TCEANC2: variants seen among roughly 807,000 people sequenced by gnomAD.
TCEANC2 encodes the protein transcription elongation factor A N-terminal and central domain containing 2, also known as transcription elongation factor A N-terminal and central domain-containing protein 2.
Under a neutral mutation model 22.8 loss-of-function variants are expected in TCEANC2, and 20 were observed. The observed-to-expected ratio is 0.88, with a 90% CI of 0.62 to 1.28. TCEANC2 has a LOEUF of 1.28. TCEANC2 is among the 50% of genes most tolerant of loss of function. The pLI, the probability that TCEANC2 is intolerant of heterozygous loss-of-function variation, is 0.00. For synonymous variants in TCEANC2, 84 were observed against 95.5 expected (o/e 0.88, Z 0.70); for missense variants, 251 against 249.7 (o/e 1.01, Z -0.03).
At position 54,104,738 on chromosome 1, in the gene TCEANC2, C is replaced by T. The variant is rs1238025503; in HGVS notation, c.*8265C>T. The T allele has an allele frequency of 6.7e-6, 3 of 444,488 alleles. No individual in the cohort carries two copies. Among genetic ancestry groups the T allele is most frequent in the Non-Finnish European group, 1.4e-5 (3 of 218,920 alleles). 27.5% of individuals were successfully genotyped at this position (444,488 alleles called of 1,614,324 possible). On this transcript the variant is annotated 3_prime_UTR_variant, in exon 5 of 5. Coordinates refer to ENST00000234827, the MANE Select transcript of TCEANC2 (RefSeq NM_153035.3). ...TGTATTTTTAGTAGAGATGGAGTTT[C>T]GCCATGTTGGCCAGACTAGTTTTGA... is the stretch of plus-strand genomic sequence containing the variant.
At chr1:54,072,333 C>T (rs749097729) in intron 3 of TCEANC2, among the ~76,000 whole-genome samples, 2 of 151,928 alleles carry the variant, frequency 1.3e-5, no homozygotes, top group South Asian at 2.1e-4. Context: ...GCTATTTAGC[C>T]CATTTGTTCT....
intron 4 of TCEANC2, among the ~76,000 whole-genome samples, chr1:54,090,428 A>G (rs1055067551): frequency 6.6e-6 from 1 of 152,200 alleles, no homozygotes; most frequent in East Asian, 1.9e-4. Flanking sequence ...TTATATGCCA[A>G]ATGTTCCATA....
chr1:54,055,299 T>C (rs1377229303), intron 2 of TCEANC2, among the ~76,000 whole-genome samples: 5 of 152,212 alleles, frequency 3.3e-5, no homozygotes, highest in East Asian at 1.9e-4. Context: ...TCTTGCTACA[T>C]TGAAGTCAGT....
intron 2 of TCEANC2, among the ~76,000 whole-genome samples, chr1:54,057,456 G>C (rs1209517629): frequency 6.8e-6 from 1 of 147,638 alleles, no homozygotes; most frequent in African/African-American, 2.5e-5. Context: ...CTCCTGAAGT[G>C]CTGGGATTAC....
chr1:54,075,682 C>T lies in TCEANC2; in HGVS notation c.244+6785C>T, dbSNP rs193096172. 7.9e-5 allele frequency among the ~76,000 whole-genome samples: 12 copies of T among 152,198 alleles called. No homozygotes were observed. In the East Asian group the frequency reaches 2.3e-3, roughly 29 times the overall value. On this transcript the variant is annotated intron_variant, in intron 3 of 4. Transcript: ENST00000234827. ...CTCTCCTTTAGAGGTTTTCAGTATA[C>T]TTTGTCATTTAATAGGCTAGATGAA...
downstream of TCEANC2, among the ~76,000 whole-genome samples, chr1:54,107,980 G>T (rs1283635179): frequency 6.6e-6 from 1 of 152,190 alleles, no homozygotes; most frequent in Admixed American, 6.5e-5. Flanking sequence ...ATATTTTGTT[G>T]CCTATTAATA....
chr1:54,057,228 G>GTTT (rs779950368), intron 2 of TCEANC2, among the ~76,000 whole-genome samples: 61 of 99,956 alleles, frequency 6.1e-4, no homozygotes, highest in African/African-American at 2.2e-3. Context: ...TTTTTTCTTT[G>GTTT]TTTTTTTTTT....
At chr1:54,055,675 G>C (rs1015483489) in intron 2 of TCEANC2, among the ~76,000 whole-genome samples, 1 of 152,220 alleles carries the variant, frequency 6.6e-6, no homozygotes, top group Admixed American at 6.5e-5. Context: ...GCAAAGGATT[G>C]TAAGAGCAAG....
chr1:54,103,114 G>C lies in TCEANC2; in HGVS notation c.*6641G>C, dbSNP rs1176538300. 1 of 152,274 alleles carries C rather than the reference G, an allele frequency of 6.6e-6. No homozygotes were observed. The highest frequency in any genetic ancestry group is 2.4e-5 in the African/African-American group (1 of 41,422). 9.4% of individuals were successfully genotyped at this position (152,274 alleles called of 1,614,324 possible). On this transcript the variant is annotated 3_prime_UTR_variant, in exon 5 of 5. Coordinates refer to ENST00000234827, the MANE Select transcript of TCEANC2 (RefSeq NM_153035.3). ...ATTCCATGTAAACACCCACCAGAGAGCACATACCATGGAGAAGCACTAAAC... is the reference window on the plus strand; with the variant it reads ...ATTCCATGTAAACACCCACCAGAGACCACATACCATGGAGAAGCACTAAAC...
chr1:54,054,251 T>C (rs746209586), intron 1 of TCEANC2, 130 bp from the exon 2 acceptor site: 52 of 1,443,248 alleles, frequency 3.6e-5, no homozygotes, highest in Non-Finnish European at 4.6e-5. Context: ...AAAATCTTAC[T>C]TCCTGTCAAT....
chr1:54,056,312 C>CTTTT lies in TCEANC2; in HGVS notation c.102+1789_102+1792dup, dbSNP rs113892636. 9.7e-4 allele frequency among the ~76,000 whole-genome samples: 145 copies of CTTTT among 149,716 alleles called. 2 individuals are homozygous for CTTTT. Among genetic ancestry groups the CTTTT allele is most frequent in the African/African-American group, 3.5e-3 (138 of 39,750 alleles). ...CACCCATATTCTTTTCTTTTCTTTTCTTTTCTTTTTTTTTGAGACGGAGTT... is the reference window on the plus strand; with the variant it reads ...CACCCATATTCTTTTCTTTTCTTTTCTTTTTTTTCTTTTTTTTTGAGACGGAGTT... On this transcript the variant is annotated intron_variant, in intron 2 of 4. Coordinates refer to ENST00000234827, the MANE Select transcript of TCEANC2 (RefSeq NM_153035.3).
downstream of TCEANC2, among the ~76,000 whole-genome samples, chr1:54,110,055 A>G (rs1408503097): frequency 2.0e-5 from 3 of 152,142 alleles, no homozygotes; most frequent in Non-Finnish European, 4.4e-5. Flanking sequence ...AAAATCATCA[A>G]AATCATCAAA....
rs140207411 is a variant in TCEANC2 at position 54,088,730 on chromosome 1, C to T, written c.378C>T (p.Pro126=). The change falls in exon 4 of 5, where the codon CCC becomes CCT. Residue 126 remains proline (P), a synonymous_variant. Transcript: ENST00000234827. ...CTTCTATTGAAGTTAGAAGTGATCC[C>T]AAAACCGAGTCGTTGAGGAAAAATG... ...NRPSIEVRSD[P]KTESLRKNAQ... is the part of the protein sequence containing the mutation. The T allele has an allele frequency of 6.2e-7, 1 of 1,604,240 alleles. No homozygotes were observed. Among genetic ancestry groups the T allele is most frequent in the African/African-American group, 1.3e-5 (1 of 74,432 alleles).
intron 4 of TCEANC2, among the ~76,000 whole-genome samples, chr1:54,091,659 T>C (rs1461916853): frequency 6.6e-6 from 1 of 152,234 alleles, no homozygotes; most frequent in Non-Finnish European, 1.5e-5. Flanking sequence ...ATTTCCTTGT[T>C]CTTGGAATAG....
intron 2 of TCEANC2, among the ~76,000 whole-genome samples, chr1:54,056,384 C>T (rs1657752819): frequency 6.6e-6 from 1 of 151,782 alleles, no homozygotes; most frequent in Admixed American, 6.6e-5. Context: ...TCTTGGCTCA[C>T]TGCAACCTCT....
intron 3 of TCEANC2, among the ~76,000 whole-genome samples, chr1:54,071,477 C>G (rs1276123482): frequency 6.6e-6 from 1 of 152,066 alleles, no homozygotes; most frequent in African/African-American, 2.4e-5. Context: ...TGGAGCTGCT[C>G]ATGACATGGC....
At chr1:54,060,361 C>A (rs1037686734) in intron 2 of TCEANC2, among the ~76,000 whole-genome samples, 1 of 150,880 alleles carries the variant, frequency 6.6e-6, no homozygotes, top group Non-Finnish European at 1.5e-5. Flanking sequence ...GCTGAGATTG[C>A]GCCACTGCGC....
At chr1:54,106,384 TAAAAAA>T (rs1658754342), downstream of TCEANC2, among the ~76,000 whole-genome samples, 1 of 152,210 alleles carries the variant, frequency 6.6e-6, no homozygotes, top group Non-Finnish European at 1.5e-5. Context: ...AGTAGCCACA[TAAAAAA>T]TATAAAAGGA....
intron 2 of TCEANC2, among the ~76,000 whole-genome samples, chr1:54,065,869 A>G (rs1657945474): frequency 1.3e-5 from 2 of 152,138 alleles, no homozygotes; most frequent in Non-Finnish European, 2.9e-5. Context: ...AGTTGAGGCC[A>G]GGAGTTTGAC....
Sources: allele counts gnomAD v4.1 joint callset (sites outside exome capture counted in the v4.1 genomes callset), GRCh38; gene constraint gnomAD v4.1.1; transcripts MANE v1.5; gene names NCBI Gene and HGNC (gene_info 2026-07-23, HGNC 2026-07-21).